The following DPP10 variants were observed in gnomAD, a reference collection of about 807,000 sequenced individuals.
The protein encoded by DPP10 is inactive dipeptidyl peptidase 10.
A neutral mutation model predicts 120.9 loss-of-function variants in DPP10; 33 were observed. That is an observed-to-expected ratio of 0.27 (90% confidence interval 0.21 to 0.37). The LOEUF (loss-of-function observed/expected upper bound fraction) is 0.37, where lower values mean the gene tolerates loss of function less well. Among genes scored for constraint, DPP10 ranks in the 10% least tolerant of loss-of-function variants. The pLI is 1.00. For missense variants in DPP10, 816 were observed against 942.8 expected (o/e 0.87, Z 1.76); for synonymous variants, 337 against 326.1 (o/e 1.03, Z -0.36).
chr2:115,835,748 T>C (rs1202869665), intron 21 of DPP10, among the ~76,000 whole-genome samples: 1 of 152,156 alleles, frequency 6.6e-6, no homozygotes, highest in Admixed American at 6.6e-5. Context: ...TACATAATCA[T>C]CATTATTTCA....
chr2:115,678,315 C>G (rs368546011), intron 5 of DPP10, among the ~76,000 whole-genome samples: 1 of 152,218 alleles, frequency 6.6e-6, no homozygotes, highest in African/African-American at 2.4e-5. Flanking sequence ...AGGCCCGGGG[C>G]CCCCCTGCTG....
At chr2:114,597,627 T>C (rs974741309) in intron 1 of DPP10, among the ~76,000 whole-genome samples, 4 of 151,968 alleles carry the variant, frequency 2.6e-5, no homozygotes, top group Non-Finnish European at 4.4e-5. Flanking sequence ...ACTTAGGTGA[T>C]GGAAATTTGG....
At chr2:114,897,449 T>C (rs1446778185) in intron 1 of DPP10, among the ~76,000 whole-genome samples, 2 of 152,206 alleles carry the variant, frequency 1.3e-5, no homozygotes, top group Admixed American at 6.5e-5. Context: ...AAGGACTTCA[T>C]GTCTAAAGCA....
intron 5 of DPP10, among the ~76,000 whole-genome samples, chr2:115,556,248 A>G (rs986374130): frequency 7.9e-5 from 12 of 152,012 alleles, no homozygotes; most frequent in African/African-American, 2.9e-4. Flanking sequence ...AACCCCCTAG[A>G]TCAAACTTGG....
intron 3 of DPP10, among the ~76,000 whole-genome samples, chr2:115,473,453 C>T (rs1419394456): frequency 6.6e-6 from 1 of 152,146 alleles, no homozygotes; most frequent in African/African-American, 2.4e-5. Flanking sequence ...TGACTCAGAA[C>T]CAGATGCAAG....
rs1703992681 is a variant in DPP10 at position 115,033,490 on chromosome 2, C to A, written c.61-275749C>A. Among the ~76,000 whole-genome samples, 2 of 152,130 alleles carry A rather than the reference C, an allele frequency of 1.3e-5. 1 individual carries two copies. Among genetic ancestry groups the A allele is most frequent in the South Asian group, 4.2e-4 (2 of 4,814 alleles). On this transcript the variant is annotated intron_variant, in intron 1 of 25. Transcript: ENST00000410059. ...CATCGTTCTTACCCTCCAGCTCCAA[C>A]TCCTTCCTCTGTGCCAAGGTCCTCA...
chr2:114,474,850 C>T (rs1680243714), intron 1 of DPP10, among the ~76,000 whole-genome samples: 1 of 152,136 alleles, frequency 6.6e-6, no homozygotes, highest in Admixed American at 6.5e-5. Flanking sequence ...ATGGTAGGGG[C>T]TATATTCCAG....
chr2:115,835,509 A>T (rs1307204872), intron 21 of DPP10, among the ~76,000 whole-genome samples: 1 of 152,128 alleles, frequency 6.6e-6, no homozygotes, highest in African/African-American at 2.4e-5. Context: ...ATAGACATAA[A>T]TTTATCTTAC....
chr2:115,770,142 G>T (rs1027038769), intron 13 of DPP10, among the ~76,000 whole-genome samples: 11 of 151,950 alleles, frequency 7.2e-5, no homozygotes. Context: ...CTATATTTTT[G>T]TATCCATTAT....
At chr2:115,030,667 G>T (rs752687152) in intron 1 of DPP10, among the ~76,000 whole-genome samples, 2 of 152,072 alleles carry the variant, frequency 1.3e-5, no homozygotes, top group Non-Finnish European at 2.9e-5. Context: ...GCCCCAATGT[G>T]TGTTGTTCCC....
At chr2:114,822,512 TC>T (rs1379172357) in intron 1 of DPP10, among the ~76,000 whole-genome samples, 5 of 152,194 alleles carry the variant, frequency 3.3e-5, no homozygotes, top group Non-Finnish European at 2.9e-5. Flanking sequence ...AGCATGTGGC[TC>T]CTTGTTTCTT....
At chr2:115,550,786 C>T (rs766934476) in intron 5 of DPP10, among the ~76,000 whole-genome samples, 8 of 152,102 alleles carry the variant, frequency 5.3e-5, no homozygotes, top group Admixed American at 5.2e-4. Flanking sequence ...GCTGTGAAGT[C>T]GGAGAAACAA....
chr2:115,585,247 T>G (rs978370731), intron 5 of DPP10, among the ~76,000 whole-genome samples: 4 of 152,202 alleles, frequency 2.6e-5, no homozygotes, highest in African/African-American at 9.6e-5. Flanking sequence ...TTAGGATTTC[T>G]ATTAACTGAA....
chr2:115,785,260 G>C (rs1034259512), intron 17 of DPP10, among the ~76,000 whole-genome samples: 31 of 152,266 alleles, frequency 2.0e-4, no homozygotes, highest in Middle Eastern at 3.4e-3. Flanking sequence ...CTTCACCCTT[G>C]ACCTTCAGGC....
intron 5 of DPP10, among the ~76,000 whole-genome samples, chr2:115,546,099 A>T (rs1051285485): frequency 6.6e-6 from 1 of 152,104 alleles, no homozygotes; most frequent in African/African-American, 2.4e-5. Context: ...CTGCATTCGG[A>T]TTTGGGAACA....
intron 5 of DPP10, among the ~76,000 whole-genome samples, chr2:115,527,306 C>T (rs2078191706): frequency 6.6e-6 from 1 of 151,874 alleles, no homozygotes; most frequent in Non-Finnish European, 1.5e-5. Context: ...CCAGAACAAT[C>T]AGATATCCAT....
At chr2:114,606,371 AT>A (rs1001769161) in intron 1 of DPP10, among the ~76,000 whole-genome samples, 7 of 151,806 alleles carry the variant, frequency 4.6e-5, no homozygotes, top group African/African-American at 1.7e-4. Flanking sequence ...CTACATGGAA[AT>A]TTTTTCTCTG....
chr2:115,661,050 A>G (rs1480602867), intron 5 of DPP10, among the ~76,000 whole-genome samples: 1 of 151,976 alleles, frequency 6.6e-6, no homozygotes, highest in African/African-American at 2.4e-5. Flanking sequence ...TCCTGGGTTC[A>G]AGTAATTCTC....
At chr2:115,578,328 C>G (rs1010239302) in intron 5 of DPP10, among the ~76,000 whole-genome samples, 8 of 152,110 alleles carry the variant, frequency 5.3e-5, no homozygotes, top group Non-Finnish European at 1.0e-4. Flanking sequence ...TGTAGTAACT[C>G]TAAATTTCCT....
Sources: allele counts gnomAD v4.1 joint callset (sites outside exome capture counted in the v4.1 genomes callset), GRCh38; gene constraint gnomAD v4.1.1; transcripts MANE v1.5; gene names NCBI Gene and HGNC (gene_info 2026-07-23, HGNC 2026-07-21).